JAK1: variants seen among roughly 807,000 people sequenced by gnomAD.
JAK1 encodes tyrosine-protein kinase JAK1.
In JAK1, 16 loss-of-function variants were observed where a neutral mutation model predicts 136.6. The ratio of observed to expected loss-of-function variants is 0.12; its 90% CI spans 0.08 to 0.18. The LOEUF (loss-of-function observed/expected upper bound fraction) is 0.18, where lower values mean the gene tolerates loss of function less well. Among genes scored for constraint, JAK1 ranks in the 10% least tolerant of loss-of-function variants. The pLI is 1.00. For missense variants in JAK1, 859 were observed against 1,450.1 expected, an observed-to-expected ratio of 0.59 and a Z score of 6.62; for synonymous variants, 492 against 519.5, an observed-to-expected ratio of 0.95 and a Z score of 0.72.
chr1:64,939,794 T>G (rs915613817), intron 1 of JAK1, among the ~76,000 whole-genome samples: 3 of 152,106 alleles, frequency 2.0e-5, no homozygotes, highest in African/African-American at 7.2e-5. Context: ...TATAAGTCAA[T>G]AAAAGTGGGA....
chr1:65,012,856 G>T (rs923228094), intron 2 of JAK1, among the ~76,000 whole-genome samples: 2 of 151,442 alleles, frequency 1.3e-5, no homozygotes, highest in African/African-American at 4.9e-5. Flanking sequence ...CACTTGGGGA[G>T]GCCAAGGCAG....
chr1:65,026,291 G>A (rs1020668613), intron 2 of JAK1, among the ~76,000 whole-genome samples: 1 of 152,118 alleles, frequency 6.6e-6, no homozygotes, highest in African/African-American at 2.4e-5. Flanking sequence ...TATCAACACC[G>A]AGAATGGTTT....
intron 9 of JAK1, among the ~76,000 whole-genome samples, chr1:64,858,886 G>T (rs371500289): frequency 2.6e-5 from 4 of 152,180 alleles, no homozygotes; most frequent in Admixed American, 6.5e-5. Context: ...AAGACTTCAC[G>T]GATAAGGTGA....
intron 2 of JAK1, among the ~76,000 whole-genome samples, chr1:65,025,774 C>T (rs1281985519): frequency 6.6e-6 from 1 of 152,118 alleles, no homozygotes; most frequent in Non-Finnish European, 1.5e-5. Flanking sequence ...ACCTCCTAGG[C>T]TCAAGAAATG....
chr1:64,981,458 C>G (rs1370960204), intron 2 of JAK1, among the ~76,000 whole-genome samples: 3 of 152,192 alleles, frequency 2.0e-5, no homozygotes, highest in African/African-American at 7.2e-5. Context: ...GTAAAATGGG[C>G]CTCACTGATT....
chr1:64,890,248 A>ATT (rs59278279), intron 1 of JAK1, among the ~76,000 whole-genome samples: 1,669 of 148,796 alleles, frequency 0.011, 37 homozygotes, highest in African/African-American at 0.038. Flanking sequence ...GAAGATCAGG[A>ATT]TTTTTTTTTT....
At chr1:65,019,872 T>G (rs997345862) in intron 2 of JAK1, among the ~76,000 whole-genome samples, 10 of 133,558 alleles carry the variant, frequency 7.5e-5, no homozygotes, top group African/African-American at 2.6e-4. Flanking sequence ...GCCGAGATCA[T>G]GCCACTGCAC....
upstream of JAK1, among the ~76,000 whole-genome samples, chr1:64,971,293 A>T (rs1296308909): frequency 1.3e-5 from 2 of 152,214 alleles, no homozygotes; most frequent in African/African-American, 2.4e-5. Context: ...CCTTAAACTT[A>T]ATTGTAATTC....
chr1:64,896,751 G>A (rs1248908655), intron 1 of JAK1, among the ~76,000 whole-genome samples: 2 of 152,174 alleles, frequency 1.3e-5, no homozygotes, highest in Admixed American at 1.3e-4. Context: ...CAAGCGAAAA[G>A]AGCACGTCTG....
At chr1:64,846,850 C>T in intron 13 of JAK1, 114 bp from the exon 14 acceptor site, 1 of 732,226 alleles carries the variant, frequency 1.4e-6, no homozygotes, top group South Asian at 1.6e-5. Context: ...ACTGTCGCCA[C>T]CCCAGGCCCT....
chr1:65,011,452 A>G (rs1646848308), intron 2 of JAK1, among the ~76,000 whole-genome samples: 1 of 152,184 alleles, frequency 6.6e-6, no homozygotes, highest in Non-Finnish European at 1.5e-5. Flanking sequence ...CCTGTCTCAA[A>G]AAACAAACAA....
intron 2 of JAK1, among the ~76,000 whole-genome samples, chr1:64,977,138 CTTGT>C (rs10636048): frequency 2.5e-4 from 37 of 148,382 alleles, no homozygotes; most frequent in Admixed American, 6.9e-4. Context: ...ACAGCTTCAT[CTTGT>C]TTGTTTGTTT....
upstream of JAK1, among the ~76,000 whole-genome samples, chr1:64,968,813 T>G (rs1034911811): frequency 1.3e-5 from 2 of 151,320 alleles, no homozygotes; most frequent in Non-Finnish European, 2.9e-5. Flanking sequence ...GAACCTGTAA[T>G]CTCAGCTACT....
At chr1:65,030,138 A>G (rs559238389) in intron 2 of JAK1, among the ~76,000 whole-genome samples, 1 of 152,100 alleles carries the variant, frequency 6.6e-6, no homozygotes, top group Non-Finnish European at 1.5e-5. Flanking sequence ...AGAGGAAGGG[A>G]TACCAGCACT....
At chr1:65,004,705 C>T (rs781165552) in intron 2 of JAK1, among the ~76,000 whole-genome samples, 5 of 152,160 alleles carry the variant, frequency 3.3e-5, no homozygotes, top group African/African-American at 7.2e-5. Flanking sequence ...TACGTGTTGT[C>T]TGTGGTGTTT....
intron 2 of JAK1, among the ~76,000 whole-genome samples, chr1:64,995,731 G>A (rs12074939): frequency 0.01 from 1,564 of 151,942 alleles, 33 homozygotes; most frequent in African/African-American, 0.036. Context: ...AAATGATATT[G>A]GCCTTTTGTT....
At chr1:64,932,057 G>A (rs1341797048) in intron 1 of JAK1, among the ~76,000 whole-genome samples, 2 of 151,914 alleles carry the variant, frequency 1.3e-5, no homozygotes, top group East Asian at 3.9e-4. Context: ...CTCTGATCAG[G>A]TTCTTTACAT....
At chr1:64,845,392 TG>T in intron 15 of JAK1, 120 bp downstream of exon 15, 1 of 1,133,056 alleles carries the variant, frequency 8.8e-7, no homozygotes, top group Non-Finnish European at 1.3e-6. Flanking sequence ...CACAGAGCCC[TG>T]GCCCCATGGA....
At chr1:64,897,947 T>C (rs1645048784) in intron 1 of JAK1, among the ~76,000 whole-genome samples, 1 of 152,136 alleles carries the variant, frequency 6.6e-6, no homozygotes, top group African/African-American at 2.4e-5. Context: ...ATAGGCACTG[T>C]ACATTGAGAA....
Sources: gnomAD v4.1 joint callset for allele counts (sites outside exome capture counted in the v4.1 genomes callset) on GRCh38, gnomAD v4.1.1 for gene constraint, MANE v1.5 for transcripts, NCBI Gene and HGNC (gene_info 2026-07-23, HGNC 2026-07-21) for gene names.